MYRIP: variants seen among roughly 807,000 people sequenced by gnomAD.
MYRIP encodes rab effector MyRIP.
Under a neutral mutation model 98.0 loss-of-function variants are expected in MYRIP, and 49 were observed. The observed-to-expected ratio is 0.50, with a 90% CI of 0.40 to 0.63. The LOEUF is 0.63. MYRIP is among the 30% of genes least tolerant of loss of function. The probability of loss-of-function intolerance (pLI) is 0.00; values close to 1 mark genes in which losing one functional copy is unlikely to be tolerated. For missense variants in MYRIP, 1,004 were observed against 1,058.2 expected, an observed-to-expected ratio of 0.95 and a Z score of 0.71; for synonymous variants, 404 against 409.5, an observed-to-expected ratio of 0.99 and a Z score of 0.16.
chr3:40,200,118 T>C (rs1485931140), intron 10 of MYRIP, among the ~76,000 whole-genome samples: 7 of 150,422 alleles, frequency 4.7e-5, no homozygotes, highest in African/African-American at 1.7e-4. Flanking sequence ...TGGTGCCTCT[T>C]ACATTTTCTT....
chr3:40,155,940 G>C (rs1203259995), intron 4 of MYRIP, among the ~76,000 whole-genome samples: 2 of 151,756 alleles, frequency 1.3e-5, no homozygotes, highest in Non-Finnish European at 2.9e-5. Flanking sequence ...CATTTTGTAG[G>C]TTGCCTGTTC....
intron 16 of MYRIP, among the ~76,000 whole-genome samples, chr3:40,255,883 T>C (rs1953573692): frequency 6.6e-6 from 1 of 152,232 alleles, no homozygotes; most frequent in Non-Finnish European, 1.5e-5. Flanking sequence ...CAATGGACCA[T>C]TTATAAAAAT....
intron 2 of MYRIP, among the ~76,000 whole-genome samples, chr3:40,021,770 T>C (rs1163528484): frequency 6.6e-6 from 1 of 152,222 alleles, no homozygotes; most frequent in Non-Finnish European, 1.5e-5. Flanking sequence ...TTGTATATAT[T>C]ATTAGTATGT....
At chr3:39,969,837 A>T (rs998839492) in intron 2 of MYRIP, among the ~76,000 whole-genome samples, 3 of 152,222 alleles carry the variant, frequency 2.0e-5, no homozygotes, top group African/African-American at 7.2e-5. Flanking sequence ...CTGGCCTAAT[A>T]GAATGAGTTT....
At chr3:39,985,127 A>G (rs1242676438) in intron 2 of MYRIP, among the ~76,000 whole-genome samples, 4 of 152,144 alleles carry the variant, frequency 2.6e-5, no homozygotes, top group East Asian at 3.9e-4. Context: ...GGGAAAATCA[A>G]TGTACAAAAA....
At chr3:40,062,696 T>A (rs1948044142) in intron 3 of MYRIP, among the ~76,000 whole-genome samples, 1 of 152,180 alleles carries the variant, frequency 6.6e-6, no homozygotes, top group South Asian at 2.1e-4. Context: ...TTCAAAAATA[T>A]ACTTGCCAGG....
intron 2 of MYRIP, among the ~76,000 whole-genome samples, chr3:40,037,892 A>C (rs915633344): frequency 6.6e-5 from 10 of 152,118 alleles, no homozygotes; most frequent in Middle Eastern, 3.2e-3. Context: ...TAGGTCACAG[A>C]TGCTCCCATG....
Position 40,026,419 on chromosome 3 carries a change from CAT to C in MYRIP, c.111-17630_111-17629del, listed in dbSNP as rs35162449. 7.3e-3 allele frequency among the ~76,000 whole-genome samples: 1,115 copies of C among 152,220 alleles called. 16 individuals are homozygous for C. Among genetic ancestry groups the C allele is most frequent in the African/African-American group, 0.025 (1,049 of 41,542 alleles). ...TCAGATTTCATGTTGTTCAAACACA[CAT>C]GTTTTACAATCAATTTGTACACTTA... On this transcript the variant is annotated intron_variant, in intron 2 of 16. Transcript: ENST00000302541.
Position 40,006,055 on chromosome 3 carries a change from G to A in MYRIP, c.111-37995G>A, listed in dbSNP as rs534376936. 9.9e-5 allele frequency among the ~76,000 whole-genome samples: 15 copies of A among 152,222 alleles called. No individual in the cohort carries two copies. In the South Asian group the frequency reaches 2.7e-3, roughly 27 times the overall value. On this transcript the variant is annotated intron_variant, in intron 2 of 16. Transcript: ENST00000302541. ...CCATGAGGAGGGATCATGAGGGAAG[G>A]TCTCAAAGAAGAGAAGAATTTGGCA...
At chr3:40,119,405 C>G (rs1276772434) in intron 3 of MYRIP, among the ~76,000 whole-genome samples, 1 of 152,162 alleles carries the variant, frequency 6.6e-6, no homozygotes, top group Non-Finnish European at 1.5e-5. Flanking sequence ...TATGTAATGG[C>G]ATGTTGACAT....
chr3:40,254,553 A>G (rs1953509317), intron 16 of MYRIP, among the ~76,000 whole-genome samples: 1 of 152,156 alleles, frequency 6.6e-6, no homozygotes, highest in South Asian at 2.1e-4. Context: ...TGAAATTTTA[A>G]CAGAAACACC....
chr3:40,111,006 A>G (rs1949146682), intron 3 of MYRIP, among the ~76,000 whole-genome samples: 2 of 152,060 alleles, frequency 1.3e-5, no homozygotes, highest in African/African-American at 4.8e-5. Context: ...GATACTTCTA[A>G]TAAAGAGAAT....
chr3:39,816,078 C>T (rs1235388579), intron 1 of MYRIP, among the ~76,000 whole-genome samples: 7 of 143,268 alleles, frequency 4.9e-5, no homozygotes, highest in Admixed American at 2.8e-4. Flanking sequence ...TTCTTTTTTT[C>T]TTTTTTTTTT....
chr3:40,155,837 TTG>T (rs1490330948), intron 4 of MYRIP, among the ~76,000 whole-genome samples: 1 of 151,702 alleles, frequency 6.6e-6, no homozygotes, highest in Non-Finnish European at 1.5e-5. Context: ...TTTGATGGGG[TTG>T]TTTGTTTTTT....
intron 3 of MYRIP, among the ~76,000 whole-genome samples, chr3:40,089,050 TG>T (rs1948688204): frequency 6.6e-6 from 1 of 152,002 alleles, no homozygotes; most frequent in African/African-American, 2.4e-5. Context: ...GCGTAGATGC[TG>T]GTGTCATTCC....
At chr3:40,016,924 T>A (rs923706414) in intron 2 of MYRIP, among the ~76,000 whole-genome samples, 1 of 152,166 alleles carries the variant, frequency 6.6e-6, no homozygotes, top group Non-Finnish European at 1.5e-5. Context: ...CTTCTCCAGG[T>A]GAGGACATGG....
At chr3:40,150,705 G>A (rs1024637834) in intron 3 of MYRIP, among the ~76,000 whole-genome samples, 11 of 152,286 alleles carry the variant, frequency 7.2e-5, no homozygotes, top group South Asian at 4.1e-4. Context: ...ACTAGTGGCC[G>A]ATGGCTTCTT....
chr3:39,853,553 T>C (rs891840696), intron 1 of MYRIP, among the ~76,000 whole-genome samples: 8 of 152,200 alleles, frequency 5.3e-5, no homozygotes, highest in African/African-American at 1.4e-4. Context: ...TTGTGTGTCT[T>C]CTTTTGAGAA....
At position 40,056,786 on chromosome 3, in the gene MYRIP, G is replaced by A. The variant is rs578019696; in HGVS notation, c.332+12515G>A. 6.6e-4 allele frequency among the ~76,000 whole-genome samples: 101 copies of A among 152,218 alleles called. No homozygotes were observed. In the Middle Eastern group the frequency reaches 0.01, roughly 15 times the overall value. ...TTGGATTAACTTAAAAATCCATAGCGCATTATAAAATGAAGCAGGTTGGGT... is the reference window on the plus strand; with the variant it reads ...TTGGATTAACTTAAAAATCCATAGCACATTATAAAATGAAGCAGGTTGGGT... On this transcript the variant is annotated intron_variant, in intron 3 of 16. Coordinates refer to ENST00000302541, the MANE Select transcript of MYRIP (RefSeq NM_015460.4).
Sources: gnomAD v4.1 joint callset for allele counts (sites outside exome capture counted in the v4.1 genomes callset) on GRCh38, gnomAD v4.1.1 for gene constraint, MANE v1.5 for transcripts, NCBI Gene and HGNC (gene_info 2026-07-23, HGNC 2026-07-21) for gene names.